Variants in COBL observed in about 807,000 individuals in gnomAD.
COBL encodes cordon-bleu WH2 repeat protein.
A neutral mutation model predicts 98.8 loss-of-function variants in COBL; 51 were observed. The ratio of observed to expected loss-of-function variants is 0.52; its 90% confidence interval spans 0.41 to 0.65. The LOEUF is 0.65. COBL is among the 30% of genes least tolerant of loss of function. The pLI is 0.00. For synonymous variants in COBL, 634 were observed against 651.7 expected (o/e 0.97, Z 0.41); for missense variants, 1,617 against 1,617.5 (o/e 1.00, Z 0.01).
chr7:51,213,551 C>T (rs1415264397), intron 2 of COBL, among the ~76,000 whole-genome samples: 2 of 152,128 alleles, frequency 1.3e-5, no homozygotes, highest in African/African-American at 4.8e-5. Context: ...CGGGGCCCTA[C>T]ACAAAGGGAC....
intron 1 of COBL, among the ~76,000 whole-genome samples, chr7:51,262,016 C>CAAGTCCAA (rs1797768016): frequency 6.6e-6 from 1 of 152,190 alleles, no homozygotes; most frequent in Non-Finnish European, 1.5e-5. Flanking sequence ...TCTGGGCAGG[C>CAAGTCCAA]AAGTCCAAAG....
chr7:51,233,253 G>GT (rs1366307701), intron 1 of COBL, among the ~76,000 whole-genome samples: 1 of 152,178 alleles, frequency 6.6e-6, no homozygotes, highest in African/African-American at 2.4e-5. Flanking sequence ...CTTCAGCTCA[G>GT]AAGACCCATG....
chr7:51,043,266 G>T, intron 8 of COBL, 117 bp downstream of exon 8: 2 of 964,198 alleles, frequency 2.1e-6, no homozygotes, highest in East Asian at 4.9e-5. Context: ...CAGGGTCGGG[G>T]CCCCTGGTGC....
chr7:51,116,427 C>A (rs1458917083), intron 6 of COBL, among the ~76,000 whole-genome samples: 1 of 152,116 alleles, frequency 6.6e-6, no homozygotes, highest in Admixed American at 6.5e-5. Flanking sequence ...GGATAACTTA[C>A]AATCACATAG....
chr7:51,078,954 C>A (rs530082659), intron 7 of COBL, among the ~76,000 whole-genome samples: 2 of 152,320 alleles, frequency 1.3e-5, no homozygotes, highest in South Asian at 2.1e-4. Flanking sequence ...AGCGAGGGTG[C>A]CCAAGATGGA....
chr7:51,026,608 C>T lies in COBL; in HGVS notation c.3442G>A (p.Gly1148Ser), dbSNP rs375484941. Residue 1148 changes from glycine to serine, a missense_variant, in exon 11 of 13, where the codon GGC becomes AGC. Physicochemically the swap from Gly to Ser is moderately conservative, Grantham distance 56. Around this residue, in one of 3 missense-constraint regions of COBL, gnomAD observed 1,304 missense variants for 1,282.0 expected, o/e 1.02. Transcript: ENST00000265136. ...PAKLSYTEAE[G>S]ERSALLAAIR... is the part of the protein sequence containing the mutation. ...GCTGCCAGCAGTGCAGATCGTTCGCCCTCTGCCTCCGTGTAGGACAGTTTC... is the reference window on the plus strand; with the variant it reads ...GCTGCCAGCAGTGCAGATCGTTCGCTCTCTGCCTCCGTGTAGGACAGTTTC... 1.2e-6 allele frequency: 2 copies of T among 1,614,150 alleles called. No homozygotes were observed. Among genetic ancestry groups the T allele is most frequent in the Admixed American group, 1.7e-5 (1 of 60,036 alleles).
chr7:51,025,730 G>C (rs1161254062), intron 11 of COBL, among the ~76,000 whole-genome samples: 1 of 152,212 alleles, frequency 6.6e-6, no homozygotes, highest in African/African-American at 2.4e-5. Context: ...TTCTGGTATA[G>C]CAGCCCAAAC....
intron 1 of COBL, among the ~76,000 whole-genome samples, chr7:51,261,557 T>C (rs1363052048): frequency 6.6e-6 from 1 of 152,112 alleles, no homozygotes; most frequent in Non-Finnish European, 1.5e-5. Flanking sequence ...TGATGACATG[T>C]TTGGTGGAGA....
chr7:51,059,170 T>C (rs906727946), intron 7 of COBL, among the ~76,000 whole-genome samples: 2 of 152,278 alleles, frequency 1.3e-5, no homozygotes, highest in East Asian at 1.9e-4. Context: ...CATTACTTGC[T>C]TTTATTAATC....
At chr7:51,038,659 A>G (rs1303341466) in intron 8 of COBL, among the ~76,000 whole-genome samples, 1 of 152,224 alleles carries the variant, frequency 6.6e-6, no homozygotes, top group Non-Finnish European at 1.5e-5. Flanking sequence ...TAGCAATAGA[A>G]GACACCACCT....
At chr7:51,159,263 G>A (rs577916051) in intron 5 of COBL, among the ~76,000 whole-genome samples, 3 of 152,322 alleles carry the variant, frequency 2.0e-5, no homozygotes, top group Admixed American at 1.3e-4. Flanking sequence ...GGAGGCCTGG[G>A]CCAGGTGACA....
At position 51,028,590 on chromosome 7, in the gene COBL, G is replaced by T. The variant is rs752797513; in HGVS notation, c.2506C>A (p.Pro836Thr). The part of the protein sequence containing the change: ...RNPLGEGRNQ[P>T]PTMGMGHVRV... ...ACGTGACCCATGCCCATGGTGGGGGGCTGGTTTCTCCCCTCCCCTAGGGGG... is the reference window on the plus strand; with the variant it reads ...ACGTGACCCATGCCCATGGTGGGGGTCTGGTTTCTCCCCTCCCCTAGGGGG... Residue 836 changes from proline to threonine, a missense_variant, in exon 10 of 13, where the codon CCC (proline) becomes ACC (threonine). Physicochemically the swap from Pro to Thr is conservative, Grantham distance 38. This residue lies in a region of COBL where 1,304 missense variants were observed against 1,282.0 expected (regional missense o/e 1.02). Coordinates refer to ENST00000265136, the MANE Select transcript of COBL (RefSeq NM_015198.5). The T allele has an allele frequency of 1.2e-6, 2 of 1,614,180 alleles. No homozygotes were observed. Among genetic ancestry groups the T allele is most frequent in the Admixed American group, 3.3e-5 (2 of 60,032 alleles).
At chr7:51,156,504 G>A (rs1786146372) in intron 5 of COBL, 1 of 984,942 alleles carries the variant, frequency 1.0e-6, no homozygotes, top group Middle Eastern at 5.2e-4. Context: ...ATTCAAAGGA[G>A]TTACGCTCAC....
intron 1 of COBL, among the ~76,000 whole-genome samples, chr7:51,313,599 G>T (rs1371021309): frequency 6.6e-6 from 1 of 152,112 alleles, no homozygotes; most frequent in Non-Finnish European, 1.5e-5. Flanking sequence ...CATGTCATTG[G>T]AGATTACTGT....
At chr7:51,142,676 G>A (rs949478125) in intron 5 of COBL, among the ~76,000 whole-genome samples, 8 of 152,154 alleles carry the variant, frequency 5.3e-5, no homozygotes, top group Non-Finnish European at 1.0e-4. Context: ...GAGCTACAGC[G>A]CCCGAGCTGG....
chr7:51,234,717 AAAG>A (rs1236143301), intron 1 of COBL, among the ~76,000 whole-genome samples: 2 of 151,190 alleles, frequency 1.3e-5, no homozygotes, highest in African/African-American at 2.4e-5. Flanking sequence ...AAAAAAAAAA[AAAG>A]AAAGAAAGAA....
At chr7:51,039,358 T>A (rs1788949924) in intron 8 of COBL, among the ~76,000 whole-genome samples, 1 of 152,190 alleles carries the variant, frequency 6.6e-6, no homozygotes. Context: ...TCACCTTGAG[T>A]CTGGGCTGTC....
At chr7:51,083,184 G>A (rs929487868) in intron 7 of COBL, 50 of 1,484,036 alleles carry the variant, frequency 3.4e-5, no homozygotes, top group Non-Finnish European at 4.3e-5. Context: ...GGTGGACCCC[G>A]AGCAGTGCCT....
At chr7:51,275,687 G>A (rs530715274) in intron 1 of COBL, among the ~76,000 whole-genome samples, 5 of 152,306 alleles carry the variant, frequency 3.3e-5, no homozygotes, top group African/African-American at 4.8e-5. Context: ...ACCACCAGCC[G>A]TGACTGCTCT....
Sources: gnomAD v4.1 joint callset for allele counts (sites outside exome capture counted in the v4.1 genomes callset) on GRCh38, gnomAD v4.1.1 for gene constraint, gnomAD v4.1.1 regional missense constraint, MANE v1.5 for transcripts, NCBI Gene and HGNC (gene_info 2026-07-23, HGNC 2026-07-21) for gene names.